ZNF529: variants seen among roughly 807,000 people sequenced by gnomAD.
ZNF529 encodes zinc finger protein 529.
ZNF529 carries 11 observed loss-of-function variants against 10.1 expected under a neutral mutation model. The observed-to-expected ratio is 1.09, with a 90% CI of 0.69 to 1.81. The LOEUF (loss-of-function observed/expected upper bound fraction) is 1.81, where lower values mean the gene tolerates loss of function less well. Ranked by LOEUF, ZNF529 falls within the 40% of genes most tolerant of loss-of-function variation. ZNF529 has a pLI of 0.00. For synonymous variants in ZNF529, 204 were observed against 215.7 expected (o/e 0.95, Z 0.47); for missense variants, 624 against 666.8 (o/e 0.94, Z 0.71).
intron 2 of ZNF529, among the ~76,000 whole-genome samples, chr19:36,561,386 T>TC (rs1568590156): frequency 6.6e-6 from 1 of 150,446 alleles, no homozygotes; most frequent in East Asian, 1.9e-4. Flanking sequence ...GAGATTTCTT[T>TC]TTTTTTTTTT....
chr19:36,560,684 T>C (rs2035657564), intron 2 of ZNF529, among the ~76,000 whole-genome samples: 1 of 152,192 alleles, frequency 6.6e-6, no homozygotes, highest in Admixed American at 6.5e-5. Context: ...CCAATATTAC[T>C]ATAAGAGAAG....
chr19:36,572,340 T>C lies in ZNF529; in HGVS notation c.7A>G (p.Asn3Asp). 1 of 1,549,296 alleles carries C rather than the reference T, an allele frequency of 6.5e-7. No individual in the cohort carries two copies. The highest frequency in any genetic ancestry group is 8.7e-7 in the Non-Finnish European group (1 of 1,146,442). Residue 3 changes from asparagine to aspartate, a missense_variant, in exon 2 of 5, where the codon AAC becomes GAC. Physicochemically the swap from Asn to Asp is conservative, Grantham distance 23. Coordinates refer to ENST00000591340, the MANE Select transcript of ZNF529 (RefSeq NM_020951.5). MANSSFIGDHVHG... is the reference protein window; with the variant it reads MADSSFIGDHVHG... ...ACAAAAAAAAAAACTAACCTTGAGT[T>C]GGCCATTAGTACCAATGCTGTCTTC... is the stretch of plus-strand genomic sequence containing the variant.
chr19:36,558,604 C>A (rs1016797743), intron 2 of ZNF529, among the ~76,000 whole-genome samples: 1 of 152,020 alleles, frequency 6.6e-6, no homozygotes, highest in Non-Finnish European at 1.5e-5. Flanking sequence ...AATGAAGTGA[C>A]CCCCTACCTC....
At chr19:36,587,851 G>T (rs1011356962) in intron 2 of ZNF529, among the ~76,000 whole-genome samples, 7 of 152,170 alleles carry the variant, frequency 4.6e-5, no homozygotes, top group Non-Finnish European at 1.0e-4. Context: ...GGGCTGGAGG[G>T]CATGGGGGTT....
chr19:36,569,329 A>G (rs1240943087), intron 2 of ZNF529, among the ~76,000 whole-genome samples: 1 of 152,238 alleles, frequency 6.6e-6, no homozygotes, highest in Non-Finnish European at 1.5e-5. Flanking sequence ...AAACAAAAGC[A>G]TTGGAGTAAC....
At chr19:36,571,942 T>A (rs990086166) in intron 2 of ZNF529, among the ~76,000 whole-genome samples, 3 of 150,914 alleles carry the variant, frequency 2.0e-5, no homozygotes, top group Admixed American at 1.3e-4. Flanking sequence ...CACTCCTAAA[T>A]GTCTCCAAAG....
intron 2 of ZNF529, among the ~76,000 whole-genome samples, chr19:36,565,960 A>T (rs906814280): frequency 6.6e-6 from 1 of 152,212 alleles, no homozygotes; most frequent in African/African-American, 2.4e-5. Flanking sequence ...AGTATGCAGC[A>T]CAGTTTTGAT....
intron 2 of ZNF529, among the ~76,000 whole-genome samples, chr19:36,578,697 C>T (rs2036396198): frequency 6.6e-6 from 1 of 151,436 alleles, no homozygotes; most frequent in Admixed American, 6.6e-5. Flanking sequence ...CAACTTCTGT[C>T]TCCCGGGTTC....
chr19:36,544,475 C>G lies in ZNF529; in HGVS notation c.*2391G>C, dbSNP rs2034941167. On this transcript the variant is annotated 3_prime_UTR_variant, in exon 5 of 5. Coordinates refer to ENST00000591340, the MANE Select transcript of ZNF529 (RefSeq NM_020951.5). ...TTTAAGCTGGAAGGAAAAAAACACACACAAAGAAATATAGGACAAGTTCTC... is the reference window on the plus strand; with the variant it reads ...TTTAAGCTGGAAGGAAAAAAACACAGACAAAGAAATATAGGACAAGTTCTC... The G allele has an allele frequency of 6.6e-6, 1 of 152,052 alleles. No individual in the cohort carries two copies. The highest frequency in any genetic ancestry group is 2.4e-5 in the African/African-American group (1 of 41,372). 9.4% of individuals were successfully genotyped at this position (152,052 alleles called of 1,614,324 possible).
chr19:36,570,854 C>T (rs2036078704), intron 2 of ZNF529, among the ~76,000 whole-genome samples: 1 of 152,128 alleles, frequency 6.6e-6, no homozygotes, highest in Non-Finnish European at 1.5e-5. Flanking sequence ...CAGATAAGGA[C>T]TTAAAGTGCC....
intron 1 of ZNF529, among the ~76,000 whole-genome samples, chr19:36,602,922 C>G (rs2036951156): frequency 7.7e-6 from 1 of 129,172 alleles, no homozygotes; most frequent in East Asian, 2.1e-4. Context: ...AAAAGTGAAA[C>G]TCCGTCTCAA....
chr19:36,569,312 C>T (rs572099575), intron 2 of ZNF529, among the ~76,000 whole-genome samples: 1 of 152,198 alleles, frequency 6.6e-6, no homozygotes, highest in South Asian at 2.1e-4. Flanking sequence ...ATAAATTACA[C>T]TTGAAGAAAC....
At chr19:36,596,057 CTTTTTTTTTTT>C (rs61695534) in intron 1 of ZNF529, among the ~76,000 whole-genome samples, 23 of 68,618 alleles carry the variant, frequency 3.4e-4, no homozygotes, top group African/African-American at 1.6e-3. Flanking sequence ...TCCTGAAGCT[CTTTTTTTTTTT>C]TTTTTTTTTT....
intron 2 of ZNF529, among the ~76,000 whole-genome samples, chr19:36,558,358 T>C (rs1600271559): frequency 1.1e-4 from 16 of 151,672 alleles, no homozygotes; most frequent in Admixed American, 1.1e-3. Context: ...TGCATAGAGA[T>C]CCAAACATAG....
At chr19:36,576,257 A>C (rs2036314924), upstream of ZNF529, among the ~76,000 whole-genome samples, 1 of 152,196 alleles carries the variant, frequency 6.6e-6, no homozygotes, top group Non-Finnish European at 1.5e-5. Context: ...GCTGAGAATG[A>C]ATGTTTCTTC....
intron 2 of ZNF529, among the ~76,000 whole-genome samples, chr19:36,562,016 A>T (rs1173832939): frequency 6.6e-6 from 1 of 152,118 alleles, no homozygotes; most frequent in Non-Finnish European, 1.5e-5. Context: ...CAGGTGGATC[A>T]TCTGAGGTGG....
rs139952690 is a variant in ZNF529, at chr19:36,547,950, T to G, written c.608A>C (p.Gln203Pro). 15 of 1,612,664 alleles carry G rather than the reference T, an allele frequency of 9.3e-6. No individual in the cohort carries two copies. The East Asian group carries it at 3.3e-4, about 36-fold the overall frequency. Residue 203 changes from glutamine (Q) to proline (P), a missense_variant, in exon 5 of 5, where the codon CAA (glutamine) becomes CCA (proline). Gln to Pro is a moderately conservative substitution (Grantham distance 76). Transcript: ENST00000591340. ...ATCTATCCCAAAGGTTTTCCAACAT[T>G]GATTACATTCATAGTTTTTTCCACC... is the stretch of plus-strand genomic sequence containing the variant. ...HTGGKNYECNQCWKTFGIDNS... is the reference protein window; with the variant it reads ...HTGGKNYECNPCWKTFGIDNS...
At chr19:36,602,336 G>C (rs746953528) in intron 1 of ZNF529, among the ~76,000 whole-genome samples, 2 of 152,068 alleles carry the variant, frequency 1.3e-5, no homozygotes, top group Admixed American at 1.3e-4. Context: ...GTGAGCCACC[G>C]CGCCTGGCCA....
At chr19:36,568,306 C>T (rs1600300668) in intron 2 of ZNF529, among the ~76,000 whole-genome samples, 2 of 152,112 alleles carry the variant, frequency 1.3e-5, no homozygotes, top group Admixed American at 6.5e-5. Context: ...GATTATGTTA[C>T]TTGTGCTCTT....
Sources: allele counts gnomAD v4.1 joint callset (sites outside exome capture counted in the v4.1 genomes callset), GRCh38; gene constraint gnomAD v4.1.1; transcripts MANE v1.5; gene names NCBI Gene and HGNC (gene_info 2026-07-23, HGNC 2026-07-21).